CROCC: variants seen among roughly 807,000 people sequenced by gnomAD.
CROCC encodes the protein rootletin.
CROCC carries 180 observed loss-of-function variants against 245.2 expected under a neutral mutation model. The ratio of observed to expected loss-of-function variants is 0.73; its 90% confidence interval spans 0.65 to 0.83. CROCC has a LOEUF of 0.83. Among genes scored for constraint, CROCC ranks in the 40% least tolerant of loss-of-function variants. The pLI is 0.00. For missense variants in CROCC, 2,688 were observed against 2,779.4 expected (o/e 0.97, Z 0.74); for synonymous variants, 1,205 against 1,241.6 (o/e 0.97, Z 0.62).
At chr1:16,940,476 C>T (rs2075905557) in intron 13 of CROCC, among the ~76,000 whole-genome samples, 1 of 152,256 alleles carries the variant, frequency 6.6e-6, no homozygotes, top group African/African-American at 2.4e-5. Context: ...GCATCCTCCT[C>T]CTCCCGGGTT....
At chr1:16,971,210 AGTGTGTGTGTGTGTGTGTGTGTGTGTGT>A (rs34364208) in intron 35 of CROCC, among the ~76,000 whole-genome samples, 10 of 144,128 alleles carry the variant, frequency 6.9e-5, no homozygotes, top group Middle Eastern at 7.1e-3. Context: ...ATGATGTCTG[AGTGTGTGTGTGTGTGTGTGTGTGTGTGT>A]GTGTGTGTGT....
At position 16,922,697 on chromosome 1, in the gene CROCC, G is replaced by A. The variant is rs1277475330; in HGVS notation, c.95G>A (p.Gly32Asp). Residue 32 changes from glycine to aspartate, a missense_variant, in exon 2 of 37, where the codon GGC (glycine) becomes GAC (aspartate). Physicochemically the swap from Gly to Asp is moderately conservative, Grantham distance 94. Around this residue, in one of 9 missense-constraint regions of CROCC, gnomAD observed 972 missense variants for 895.3 expected, o/e 1.09. Transcript: ENST00000375541. ...LESSVLCQEKGLGARDLAQDA... is the reference protein window; with the variant it reads ...LESSVLCQEKDLGARDLAQDA... ...AGCAGCGTCCTGTGCCAGGAGAAAG[G>A]CTTGGGCGCGCGGGACCTGGCCCAG... The A allele has an allele frequency of 6.2e-7, 1 of 1,613,550 alleles. No individual in the cohort carries two copies. The highest frequency in any genetic ancestry group is 2.2e-5 in the East Asian group (1 of 44,896).
chr1:16,943,340 A>G (rs2075972553), intron 13 of CROCC, among the ~76,000 whole-genome samples: 1 of 152,230 alleles, frequency 6.6e-6, no homozygotes, highest in Admixed American at 6.5e-5. Flanking sequence ...GATTGAGACC[A>G]TCCTGGCTAA....
At chr1:16,957,656 G>A (rs1454274144) in intron 25 of CROCC, among the ~76,000 whole-genome samples, 1 of 152,056 alleles carries the variant, frequency 6.6e-6, no homozygotes, top group East Asian at 1.9e-4. Flanking sequence ...TGTGGGCCAG[G>A]CTGGTCTCGA....
Position 16,971,642 on chromosome 1 carries a change from G to A in CROCC, c.5962G>A (p.Glu1988Lys). The A allele has an allele frequency of 6.7e-7, 1 of 1,493,668 alleles. No individual in the cohort carries two copies. Among genetic ancestry groups the A allele is most frequent in the Non-Finnish European group, 8.9e-7 (1 of 1,120,708 alleles). The allele number at this position is 1,493,668 out of a possible 1,614,324, so 92.5% of individuals were successfully genotyped here. The change falls in exon 36 of 37, where the codon GAG becomes AAG. Residue 1988 changes from glutamate to lysine, a missense_variant. Glu to Lys is a moderately conservative substitution (Grantham distance 56). Transcript: ENST00000375541. ...CCGCCAGAGGGTGCGTGGGCTGGAG[G>A]AGCAGGTGTGCAGGCCCCCTTAGAA... is the stretch of plus-strand genomic sequence containing the variant. Reference protein sequence around the residue: ...AHRQRVRGLEEQVSTLKGQLQ... With the variant: ...AHRQRVRGLEKQVSTLKGQLQ...
intron 3 of CROCC, among the ~76,000 whole-genome samples, chr1:16,925,198 C>T (rs1234421719): frequency 2.6e-5 from 4 of 152,262 alleles, no homozygotes; most frequent in African/African-American, 7.2e-5. Context: ...ACACTCGCAG[C>T]TGGGACAGAG....
chr1:16,924,435 G>A lies in CROCC; in HGVS notation c.307G>A (p.Glu103Lys), dbSNP rs142101807. The change falls in exon 3 of 37, where the codon GAG (glutamate) becomes AAG (lysine). Residue 103 changes from glutamate to lysine, a missense_variant. By Grantham distance (56) the Glu-to-Lys change is moderately conservative. Around this residue, in one of 9 missense-constraint regions of CROCC, gnomAD observed 972 missense variants for 895.3 expected, o/e 1.09. Coordinates refer to ENST00000375541, the MANE Select transcript of CROCC (RefSeq NM_014675.5). ...VEDLLAQSRA[E>K]RDELAIKYNA... The stretch of plus-strand genomic sequence containing the variant: ...GGACCTGCTGGCCCAGAGCCGTGCC[G>A]AGCGCGATGAGCTCGCCATTAAGTA... The A allele has an allele frequency of 2.8e-5, 45 of 1,613,208 alleles. No individual in the cohort carries two copies. Among genetic ancestry groups the A allele is most frequent in the East Asian group, 6.7e-5 (3 of 44,900 alleles).
At chr1:16,944,306 C>A in intron 14 of CROCC, 24 bp downstream of exon 14, 1 of 1,509,920 alleles carries the variant, frequency 6.6e-7, no homozygotes, top group South Asian at 1.3e-5. Context: ...CGCCACCCTG[C>A]CAGGACCCTT....
intron 27 of CROCC, among the ~76,000 whole-genome samples, chr1:16,962,623 C>G (rs1315213186): frequency 6.7e-6 from 1 of 150,358 alleles, no homozygotes; most frequent in Non-Finnish European, 1.5e-5. Flanking sequence ...ATCTGCCCAC[C>G]TCAGCCTCCC....
intron 27 of CROCC, among the ~76,000 whole-genome samples, chr1:16,961,898 C>A (rs1302207786): frequency 6.6e-6 from 1 of 152,070 alleles, no homozygotes; most frequent in Non-Finnish European, 1.5e-5. Context: ...CTTTCCTGGA[C>A]CGGGGGCTGG....
rs531986584 is a variant in CROCC at position 16,933,718 on chromosome 1, A to G, written c.956+2321A>G. On this transcript the variant is annotated intron_variant, in intron 8 of 36. Transcript: ENST00000375541. The stretch of plus-strand genomic sequence containing the variant: ...GTAGCTGGGATTACAGGAGTGCGCC[A>G]CCACGCCCAGCTAACTTTTGTATTT... 3.3e-4 allele frequency among the ~76,000 whole-genome samples: 50 copies of G among 152,352 alleles called. No individual in the cohort carries two copies. The South Asian group carries it at 0.01, about 31-fold the overall frequency.
chr1:16,940,107 C>A lies in CROCC; in HGVS notation c.1808+14C>A. The A allele has an allele frequency of 6.3e-7, 1 of 1,589,302 alleles. No individual in the cohort carries two copies. Among genetic ancestry groups the A allele is most frequent in the South Asian group, 1.1e-5 (1 of 88,184 alleles). On this transcript the variant is annotated intron_variant, in intron 13 of 36. Transcript: ENST00000375541. The stretch of plus-strand genomic sequence containing the variant: ...GCTCCTGAGCAGGTGCCGGGGAGGT[C>A]TGAGCTGGGGGGTACTGAAGAATAA...
In CROCC at chr1:16,957,555, G is replaced by A. The variant is rs1187575375; in HGVS notation, c.3865-1028G>A. ...CCTCCCGGGTTCAAGTAATTCTCCTGACTCAGCCTCCCAAGTAGCTGGGAT... is the reference window on the plus strand; with the variant it reads ...CCTCCCGGGTTCAAGTAATTCTCCTAACTCAGCCTCCCAAGTAGCTGGGAT... On this transcript the variant is annotated intron_variant, in intron 25 of 36. Transcript: ENST00000375541. Among the ~76,000 whole-genome samples, 4 of 152,058 alleles carry A rather than the reference G, an allele frequency of 2.6e-5. No individual in the cohort carries two copies. The East Asian group carries it at 7.7e-4, about 29-fold the overall frequency.
chr1:16,944,350 CT>C, intron 14 of CROCC, 68 bp downstream of exon 14: 1 of 1,438,646 alleles, frequency 7.0e-7, no homozygotes, highest in South Asian at 1.4e-5. Flanking sequence ...CAGTGCCCCC[CT>C]GGGGTTAGGT....
At position 16,971,529 on chromosome 1, in the gene CROCC, A is replaced by AGCAGCTGGAGCT. The variant is rs1468107457; in HGVS notation, c.5855_5866dup (p.Leu1952_Gln1955dup). 6.5e-7 allele frequency: 1 copy of AGCAGCTGGAGCT among 1,536,868 alleles called. No individual in the cohort carries two copies. On this transcript the variant is annotated inframe_insertion, in exon 36 of 37. Transcript: ENST00000375541. ...CAGCTGGAGGTGGATGCGCAGCAGC[A>AGCAGCTGGAGCT]GCAGCTGGAGCTGCAGCAGGAGGTG...
In CROCC at chr1:16,939,087, C is replaced by G; in HGVS notation, c.1553C>G (p.Ser518Cys). ...RRGPSPACSD[S>C]STLALIHSAL... Reference sequence around the variant, plus strand: ...GGCCCCTCCCCGGCCTGCTCAGACTCCTCCACGCTCGCCCTGATCCACTCC... The same window carrying G: ...GGCCCCTCCCCGGCCTGCTCAGACTGCTCCACGCTCGCCCTGATCCACTCC... Residue 518 changes from serine to cysteine, a missense_variant, in exon 12 of 37, where the codon TCC (serine) becomes TGC (cysteine). By Grantham distance (112) the Ser-to-Cys change is moderately radical. This residue lies in a region of CROCC where 972 missense variants were observed against 895.3 expected (regional missense o/e 1.09). Coordinates refer to ENST00000375541, the MANE Select transcript of CROCC (RefSeq NM_014675.5). The G allele has an allele frequency of 6.3e-7, 1 of 1,580,942 alleles. No individual in the cohort carries two copies.
At chr1:16,938,851 G>C (rs1437271230) in intron 11 of CROCC, 58 bp from the exon 12 acceptor site, 28 of 1,538,508 alleles carry the variant, frequency 1.8e-5, no homozygotes, top group Admixed American at 7.6e-5. Flanking sequence ...TCTTTGCCCA[G>C]CTAACCCCGC....
rs1345137867 is a variant in CROCC at position 16,965,891 on chromosome 1, G to A, written c.4574G>A (p.Arg1525Gln). 4.3e-6 allele frequency: 7 copies of A among 1,612,546 alleles called. No homozygotes were observed. The highest frequency in any genetic ancestry group is 2.7e-5 in the African/African-American group (2 of 74,904). ...GAGCTGCGGAGTGCCCAGAGAGAAC[G>A]GGTAAGCCTGGGTGTGCATGGCTGG... ...LQELRSAQRE[R>Q]DELRTQTSAL... Residue 1525 changes from arginine (R) to glutamine (Q), a missense_variant and splice_region_variant, in exon 28 of 37, where the codon CGG (arginine) becomes CAG (glutamine). Transcript: ENST00000375541.
intron 27 of CROCC, among the ~76,000 whole-genome samples, chr1:16,961,972 C>T (rs2076340850): frequency 6.6e-6 from 1 of 152,300 alleles, no homozygotes. Flanking sequence ...CATATACTCC[C>T]ACATACTTTC....
Sources: allele counts gnomAD v4.1 joint callset (sites outside exome capture counted in the v4.1 genomes callset), GRCh38; gene constraint gnomAD v4.1.1; regional missense constraint gnomAD v4.1.1; transcripts MANE v1.5; gene names NCBI Gene and HGNC (gene_info 2026-07-23, HGNC 2026-07-21).